NRXN1: variants seen among roughly 807,000 people sequenced by gnomAD.
The protein encoded by NRXN1 is neurexin-1.
NRXN1 carries 39 observed loss-of-function variants against 150.9 expected under a neutral mutation model. The observed-to-expected ratio is 0.26, with a 90% confidence interval of 0.20 to 0.34. The LOEUF is 0.34. Among genes scored for constraint, NRXN1 ranks in the 10% least tolerant of loss-of-function variants. NRXN1 has a pLI of 1.00. For synonymous variants in NRXN1, 924 were observed against 757.0 expected (o/e 1.22, Z -3.62); for missense variants, 1,815 against 1,949.9 (o/e 0.93, Z 1.30).
intron 5 of NRXN1, among the ~76,000 whole-genome samples, chr2:50,680,612 C>A (rs1378407477): frequency 1.3e-5 from 2 of 151,926 alleles, no homozygotes; most frequent in African/African-American, 2.4e-5. Context: ...AGATTGATAA[C>A]CTTTATAATG....
At chr2:50,367,887 T>C (rs1038698789) in intron 17 of NRXN1, among the ~76,000 whole-genome samples, 1 of 152,012 alleles carries the variant, frequency 6.6e-6, no homozygotes, top group African/African-American at 2.4e-5. Context: ...TATTCTGTCA[T>C]TCTGCAAGGC....
intron 5 of NRXN1, among the ~76,000 whole-genome samples, chr2:50,842,175 C>A (rs1435535091): frequency 6.6e-6 from 1 of 152,164 alleles, no homozygotes; most frequent in South Asian, 2.1e-4. Context: ...TATTAACCTT[C>A]CATTAAATCA....
chr2:50,659,247 G>C (rs1473385882), intron 5 of NRXN1, among the ~76,000 whole-genome samples: 1 of 152,006 alleles, frequency 6.6e-6, no homozygotes, highest in Non-Finnish European at 1.5e-5. Flanking sequence ...TTTTTATGCA[G>C]TAAACTAGTT....
rs771182546 is a variant in NRXN1, at chr2:50,922,670, T to C, written c.808A>G (p.Met270Val). The C allele has an allele frequency of 1.2e-6, 2 of 1,610,498 alleles. No homozygotes were observed. Among genetic ancestry groups the C allele is most frequent in the Non-Finnish European group, 1.7e-6 (2 of 1,178,198 alleles). Residue 270 changes from methionine to valine, a missense_variant, in exon 4 of 23, where the codon ATG becomes GTG. Transcript: ENST00000401669. ...ACAGAGCCCATACCTTGGTCGCCCA[T>C]CATCAGGTGCGCCAGACCTTGAAGG... Reference protein sequence around the residue: ...NNVEGLAHLMMGDQGKSKGKE... With the variant: ...NNVEGLAHLMVGDQGKSKGKE...
At chr2:50,698,663 A>G (rs1324670940) in intron 5 of NRXN1, among the ~76,000 whole-genome samples, 1 of 152,224 alleles carries the variant, frequency 6.6e-6, no homozygotes, top group East Asian at 1.9e-4. Flanking sequence ...TAAAAAGTAA[A>G]AAGGGATCTT....
At chr2:50,388,196 A>G (rs979840782) in intron 17 of NRXN1, among the ~76,000 whole-genome samples, 12 of 152,196 alleles carry the variant, frequency 7.9e-5, no homozygotes, top group African/African-American at 1.2e-4. Context: ...GAATTATGCC[A>G]TTCATAATAC....
chr2:50,641,787 T>G (rs143842222), intron 5 of NRXN1, among the ~76,000 whole-genome samples: 28 of 152,210 alleles, frequency 1.8e-4, no homozygotes, highest in Middle Eastern at 3.4e-3. Context: ...TCTGTGAATA[T>G]TCAGTTATTC....
intron 21 of NRXN1, among the ~76,000 whole-genome samples, chr2:50,043,969 GA>G (rs1303500254): frequency 2.0e-5 from 3 of 151,170 alleles, no homozygotes; most frequent in Admixed American, 6.6e-5. Context: ...AAGGAAGAAT[GA>G]AAAAAAAGGG....
At chr2:50,448,880 A>AAAAT (rs751948554) in intron 17 of NRXN1, among the ~76,000 whole-genome samples, 93 of 152,292 alleles carry the variant, frequency 6.1e-4, no homozygotes, top group Admixed American at 1.2e-3. Flanking sequence ...AAAATAAAAT[A>AAAAT]AAATAAATAA....
At chr2:50,504,286 C>T (rs184925002) in intron 13 of NRXN1, among the ~76,000 whole-genome samples, 1 of 152,056 alleles carries the variant, frequency 6.6e-6, no homozygotes, top group East Asian at 1.9e-4. Context: ...GTTATCTATG[C>T]AAACTTTACT....
chr2:50,042,922 C>T (rs964239163), intron 21 of NRXN1, among the ~76,000 whole-genome samples: 25 of 152,092 alleles, frequency 1.6e-4, no homozygotes, highest in African/African-American at 5.3e-4. Context: ...ACTAACAAAG[C>T]TTTAGTATTT....
chr2:50,107,788 T>G (rs1384476228), intron 18 of NRXN1, among the ~76,000 whole-genome samples: 37 of 152,002 alleles, frequency 2.4e-4, no homozygotes, highest in Non-Finnish European at 1.5e-5. Context: ...AAGTTCTAAT[T>G]ATCAATGACC....
At chr2:50,701,473 T>G (rs992517244) in intron 5 of NRXN1, among the ~76,000 whole-genome samples, 1 of 152,172 alleles carries the variant, frequency 6.6e-6, no homozygotes, top group African/African-American at 2.4e-5. Flanking sequence ...TCAGGAAAAT[T>G]AAACCTTTTG....
At chr2:50,504,935 G>T (rs1291012632) in intron 13 of NRXN1, among the ~76,000 whole-genome samples, 1 of 152,032 alleles carries the variant, frequency 6.6e-6, no homozygotes, top group Non-Finnish European at 1.5e-5. Flanking sequence ...TTTCTTTAAA[G>T]CCTAGATCAA....
At chr2:50,131,676 A>C (rs988910681) in intron 18 of NRXN1, among the ~76,000 whole-genome samples, 1 of 152,176 alleles carries the variant, frequency 6.6e-6, no homozygotes, top group African/African-American at 2.4e-5. Flanking sequence ...AGCTATTTAC[A>C]TTTTGCTGAT....
chr2:50,908,327 T>C (rs531903112), intron 5 of NRXN1, among the ~76,000 whole-genome samples: 1 of 149,970 alleles, frequency 6.7e-6, no homozygotes, highest in South Asian at 2.1e-4. Context: ...GATAAAACAG[T>C]AACACTGACA....
At chr2:50,441,389 T>G (rs1378821469) in intron 17 of NRXN1, among the ~76,000 whole-genome samples, 1 of 152,184 alleles carries the variant, frequency 6.6e-6, no homozygotes, top group African/African-American at 2.4e-5. Context: ...AGTAGAGATA[T>G]ATTTCTTGTA....
chr2:50,800,843 C>G (rs572415517), intron 5 of NRXN1, among the ~76,000 whole-genome samples: 3 of 152,138 alleles, frequency 2.0e-5, no homozygotes, highest in Non-Finnish European at 4.4e-5. Flanking sequence ...AGCCAGCATG[C>G]CTGGCCAATA....
intron 5 of NRXN1, among the ~76,000 whole-genome samples, chr2:50,906,186 T>C (rs59335893): frequency 0.088 from 13,444 of 152,156 alleles, 657 homozygotes; most frequent in South Asian, 0.12. Context: ...TAATATCATA[T>C]TTGTAGATAA....
Sources: gnomAD v4.1 joint callset for allele counts (sites outside exome capture counted in the v4.1 genomes callset) on GRCh38, gnomAD v4.1.1 for gene constraint, MANE v1.5 for transcripts, NCBI Gene and HGNC (gene_info 2026-07-23, HGNC 2026-07-21) for gene names.